NKAIN3: variants seen among roughly 807,000 people sequenced by gnomAD.
NKAIN3 encodes sodium/potassium-transporting ATPase subunit beta-1-interacting protein 3.
A neutral mutation model predicts 30.2 loss-of-function variants in NKAIN3; 25 were observed. The ratio of observed to expected loss-of-function variants is 0.83; its 90% CI spans 0.60 to 1.16. The LOEUF (loss-of-function observed/expected upper bound fraction) is 1.16, where lower values mean the gene tolerates loss of function less well. Among genes scored for constraint, NKAIN3 ranks in the 50% most tolerant of loss-of-function variants. NKAIN3 has a pLI of 0.00. For missense variants in NKAIN3, 225 were observed against 254.1 expected (o/e 0.89, Z 0.78); for synonymous variants, 91 against 89.6 (o/e 1.02, Z -0.09).
chr8:62,339,737 G>T (rs10108001), intron 1 of NKAIN3, among the ~76,000 whole-genome samples: 125,918 of 151,974 alleles, frequency 0.83, 53,811 homozygotes, highest in East Asian at 0.95. Flanking sequence ...AAATCACCAT[G>T]TGTTTATTTA....
At position 62,932,449 on chromosome 8, in the gene NKAIN3, T is replaced by C. The variant is rs570874899; in HGVS notation, c.532+13936T>C. On this transcript the variant is annotated intron_variant, in intron 5 of 6. Transcript: ENST00000623646. Reference sequence around the variant, plus strand: ...TGTGTCTCAAGGCATCAAATGTGGCTGCTCAGAACATATAGTATGGTCTCA... The same window carrying C: ...TGTGTCTCAAGGCATCAAATGTGGCCGCTCAGAACATATAGTATGGTCTCA... 3.1e-3 allele frequency among the ~76,000 whole-genome samples: 469 copies of C among 152,342 alleles called. 4 individuals carry two copies. Among genetic ancestry groups the C allele is most frequent in the Middle Eastern group, 0.02 (6 of 294 alleles).
chr8:62,567,264 A>G (rs753324893), intron 1 of NKAIN3, among the ~76,000 whole-genome samples: 7 of 152,078 alleles, frequency 4.6e-5, no homozygotes, highest in Non-Finnish European at 1.0e-4. Flanking sequence ...TGGAAGAAGA[A>G]AAAGAGAGAC....
chr8:62,972,772 C>T lies in NKAIN3; in HGVS notation c.*7365C>T, dbSNP rs996210829. Among the ~76,000 whole-genome samples, 7 of 152,062 alleles carry T rather than the reference C, an allele frequency of 4.6e-5. No individual in the cohort carries two copies. Among genetic ancestry groups the T allele is most frequent in the African/African-American group, 1.7e-4 (7 of 41,388 alleles). On this transcript the variant is annotated 3_prime_UTR_variant, in exon 7 of 7. Transcript: ENST00000623646. Reference sequence around the variant, plus strand: ...ACATGTGCCATGGTGGTTTGCTGCACCCATCAATTCATCATCTACATTAGG... The same window carrying T: ...ACATGTGCCATGGTGGTTTGCTGCATCCATCAATTCATCATCTACATTAGG...
intron 1 of NKAIN3, among the ~76,000 whole-genome samples, chr8:62,421,902 G>C (rs570833503): frequency 2.0e-5 from 3 of 152,100 alleles, no homozygotes; most frequent in Non-Finnish European, 2.9e-5. Context: ...TCAGTATGTG[G>C]TGGGAAGCTG....
At chr8:62,453,703 C>A (rs928270695) in intron 1 of NKAIN3, among the ~76,000 whole-genome samples, 1 of 151,924 alleles carries the variant, frequency 6.6e-6, no homozygotes, top group African/African-American at 2.4e-5. Context: ...GCATTACCAC[C>A]GACCCCACAG....
At chr8:62,332,865 A>C (rs1294275043) in intron 1 of NKAIN3, among the ~76,000 whole-genome samples, 1 of 152,086 alleles carries the variant, frequency 6.6e-6, no homozygotes, top group East Asian at 1.9e-4. Context: ...CATCTCTACA[A>C]AAAATACAAA....
At chr8:62,343,001 A>C (rs1204138275) in intron 1 of NKAIN3, among the ~76,000 whole-genome samples, 1 of 152,096 alleles carries the variant, frequency 6.6e-6, no homozygotes, top group Non-Finnish European at 1.5e-5. Context: ...GGAAAATACA[A>C]GTATGGGATA....
chr8:62,407,772 C>T (rs1381121635), intron 1 of NKAIN3, among the ~76,000 whole-genome samples: 1 of 152,140 alleles, frequency 6.6e-6, no homozygotes, highest in Non-Finnish European at 1.5e-5. Flanking sequence ...AGGCTCATGC[C>T]TGTAATTGCA....
At chr8:62,375,408 A>T (rs1403853999) in intron 1 of NKAIN3, among the ~76,000 whole-genome samples, 1 of 152,222 alleles carries the variant, frequency 6.6e-6, no homozygotes, top group Admixed American at 6.5e-5. Context: ...TCTGAACCAC[A>T]GGCCATGACA....
At chr8:62,275,089 A>G (rs1812898318) in intron 1 of NKAIN3, among the ~76,000 whole-genome samples, 1 of 152,204 alleles carries the variant, frequency 6.6e-6, no homozygotes, top group African/African-American at 2.4e-5. Flanking sequence ...AGCATGATTT[A>G]TAGTCCTTTG....
chr8:62,415,981 C>A (rs1421505756), intron 1 of NKAIN3, among the ~76,000 whole-genome samples: 1 of 152,044 alleles, frequency 6.6e-6, no homozygotes, highest in East Asian at 1.9e-4. Flanking sequence ...TGGTCTTGAT[C>A]TCCTGACCTC....
chr8:62,610,289 G>T (rs903964694), intron 3 of NKAIN3, among the ~76,000 whole-genome samples: 1 of 151,216 alleles, frequency 6.6e-6, no homozygotes, highest in African/African-American at 2.4e-5. Context: ...AAGTTGCAGT[G>T]AGCCAAGATC....
intron 3 of NKAIN3, among the ~76,000 whole-genome samples, chr8:62,599,383 T>C (rs1174402637): frequency 6.6e-6 from 1 of 152,062 alleles, no homozygotes; most frequent in Non-Finnish European, 1.5e-5. Flanking sequence ...GGTAATCTCC[T>C]GAAGCCTCAA....
chr8:62,847,898 G>T (rs934066634), intron 4 of NKAIN3, among the ~76,000 whole-genome samples: 1 of 152,194 alleles, frequency 6.6e-6, no homozygotes, highest in Middle Eastern at 3.4e-3. Context: ...TCTGCATATG[G>T]CTAACCAGTT....
intron 4 of NKAIN3, among the ~76,000 whole-genome samples, chr8:62,759,593 C>T (rs1236514760): frequency 1.3e-5 from 2 of 152,030 alleles, no homozygotes; most frequent in Non-Finnish European, 2.9e-5. Flanking sequence ...GATAAGACAG[C>T]AATTTAAAGA....
At chr8:62,275,028 C>T (rs1812894774) in intron 1 of NKAIN3, among the ~76,000 whole-genome samples, 1 of 152,110 alleles carries the variant, frequency 6.6e-6, no homozygotes, top group South Asian at 2.1e-4. Flanking sequence ...CAAATCTTTG[C>T]TATTGTGAAT....
Position 62,866,890 on chromosome 8 carries a change from C to CAAAAAAAAA in NKAIN3, c.472-51556_472-51548dup, listed in dbSNP as rs59832626. On this transcript the variant is annotated intron_variant, in intron 4 of 6. Coordinates refer to ENST00000623646, the MANE Select transcript of NKAIN3 (RefSeq NM_001304533.3). The stretch of plus-strand genomic sequence containing the variant: ...TGAAACCCCGTCTCTACTAAAAATA[C>CAAAAAAAAA]AAAAAAAAAAAAAAATTGGCCGGGC... 8.4e-4 allele frequency among the ~76,000 whole-genome samples: 106 copies of CAAAAAAAAA among 125,872 alleles called. 1 individual carries two copies. Among genetic ancestry groups the CAAAAAAAAA allele is most frequent in the African/African-American group, 3.2e-3 (101 of 31,970 alleles). 82.6% of individuals were successfully genotyped at this position (125,872 alleles called of 152,430 possible).
At chr8:62,853,906 T>C (rs1485016983) in intron 4 of NKAIN3, among the ~76,000 whole-genome samples, 1 of 152,210 alleles carries the variant, frequency 6.6e-6, no homozygotes, top group Non-Finnish European at 1.5e-5. Context: ...GTATCTTTGC[T>C]CTCATTAGTT....
At chr8:62,511,101 C>T (rs1290765725) in intron 1 of NKAIN3, among the ~76,000 whole-genome samples, 1 of 152,116 alleles carries the variant, frequency 6.6e-6, no homozygotes. Context: ...GATCTGCCTC[C>T]CCACACCCTC....
Sources: gnomAD v4.1 joint callset for allele counts (sites outside exome capture counted in the v4.1 genomes callset) on GRCh38, gnomAD v4.1.1 for gene constraint, MANE v1.5 for transcripts, NCBI Gene and HGNC (gene_info 2026-07-23, HGNC 2026-07-21) for gene names.